Variants in THSD7A observed in about 807,000 individuals in gnomAD.
THSD7A encodes the protein thrombospondin type-1 domain-containing protein 7A.
THSD7A carries 96 observed loss-of-function variants against 231.3 expected under a neutral mutation model. The observed-to-expected ratio is 0.41, with a 90% CI of 0.35 to 0.49. The LOEUF is 0.49. Ranked by LOEUF, THSD7A falls within the 20% of genes least tolerant of loss-of-function variation. THSD7A has a pLI of 0.05. For synonymous variants in THSD7A, 940 were observed against 743.3 expected (o/e 1.26, Z -4.30); for missense variants, 2,290 against 2,070.2 (o/e 1.11, Z -2.06).
intron 2 of THSD7A, among the ~76,000 whole-genome samples, chr7:11,633,653 G>A (rs1394648558): frequency 6.6e-6 from 1 of 152,084 alleles, no homozygotes; most frequent in South Asian, 2.1e-4. Flanking sequence ...ATCAACTGTG[G>A]TTTGGGACTG....
At chr7:11,517,268 C>T (rs1488619014) in intron 6 of THSD7A, among the ~76,000 whole-genome samples, 6 of 151,878 alleles carry the variant, frequency 4.0e-5, no homozygotes, top group African/African-American at 1.2e-4. Context: ...TTAGTAGAGA[C>T]GGGGTTTCAC....
At chr7:11,546,556 A>G (rs766522554) in intron 4 of THSD7A, among the ~76,000 whole-genome samples, 8 of 152,208 alleles carry the variant, frequency 5.3e-5, no homozygotes, top group Admixed American at 2.0e-4. Flanking sequence ...TATAAAAGCA[A>G]TAAGCCACAT....
At chr7:11,611,455 G>T (rs1162999652) in intron 2 of THSD7A, among the ~76,000 whole-genome samples, 1 of 151,646 alleles carries the variant, frequency 6.6e-6, no homozygotes, top group Non-Finnish European at 1.5e-5. Flanking sequence ...TAAGGCAAGA[G>T]ATCTAGTATA....
chr7:11,605,079 T>G (rs1780689736), intron 2 of THSD7A, among the ~76,000 whole-genome samples: 1 of 152,152 alleles, frequency 6.6e-6, no homozygotes, highest in East Asian at 1.9e-4. Flanking sequence ...TTCACTGTAG[T>G]GGCATAACCT....
chr7:11,722,799 A>G (rs532467109), intron 1 of THSD7A, among the ~76,000 whole-genome samples: 109 of 152,156 alleles, frequency 7.2e-4, no homozygotes, highest in African/African-American at 2.4e-3. Context: ...ACCAGTTAGA[A>G]TGGCGATCAT....
At chr7:11,734,486 ACTC>A (rs1781841001) in intron 1 of THSD7A, among the ~76,000 whole-genome samples, 1 of 151,760 alleles carries the variant, frequency 6.6e-6, no homozygotes, top group South Asian at 2.1e-4. Context: ...TTTCCATATC[ACTC>A]CTCCAAAATA....
intron 6 of THSD7A, among the ~76,000 whole-genome samples, chr7:11,499,484 T>C (rs934071257): frequency 1.3e-5 from 2 of 152,064 alleles, no homozygotes; most frequent in African/African-American, 2.4e-5. Flanking sequence ...CTGGCTGAAA[T>C]GACAGAAATA....
intron 2 of THSD7A, among the ~76,000 whole-genome samples, chr7:11,625,705 TACAA>T (rs10531233): frequency 0.96 from 146,042 of 151,994 alleles, 70,217 homozygotes; most frequent in East Asian, 1. Flanking sequence ...AATTAGGTTA[TACAA>T]ACAAACAATG....
At chr7:11,776,384 A>T (rs1319567605) in intron 1 of THSD7A, among the ~76,000 whole-genome samples, 1 of 152,212 alleles carries the variant, frequency 6.6e-6, no homozygotes, top group Non-Finnish European at 1.5e-5. Context: ...CCTGCAAGGA[A>T]AATGTTGAAG....
intron 9 of THSD7A, among the ~76,000 whole-genome samples, chr7:11,467,919 A>T (rs1785775209): frequency 6.6e-6 from 1 of 151,912 alleles, no homozygotes; most frequent in African/African-American, 2.4e-5. Flanking sequence ...AATGAGAAAA[A>T]TTCTGATTCT....
intron 2 of THSD7A, among the ~76,000 whole-genome samples, chr7:11,599,472 T>A (rs1363234999): frequency 6.6e-6 from 1 of 152,242 alleles, no homozygotes; most frequent in Non-Finnish European, 1.5e-5. Flanking sequence ...TGTTTATGTA[T>A]ACACTTGTAC....
At chr7:11,383,634 T>A (rs1782612602) in intron 23 of THSD7A, among the ~76,000 whole-genome samples, 1 of 152,010 alleles carries the variant, frequency 6.6e-6, no homozygotes, top group Admixed American at 6.6e-5. Context: ...TTTTGGTTAG[T>A]CTTTTGGGTA....
intron 13 of THSD7A, among the ~76,000 whole-genome samples, chr7:11,433,376 A>G (rs1165110009): frequency 1.3e-5 from 2 of 152,016 alleles, no homozygotes; most frequent in East Asian, 3.9e-4. Context: ...AGGGCCAGTA[A>G]TCACTTATTT....
rs1477757601 is a variant in THSD7A, at chr7:11,780,615, G to A, written c.190+51142C>T. 3.3e-5 allele frequency among the ~76,000 whole-genome samples: 5 copies of A among 152,130 alleles called. 1 individual carries two copies. The South Asian group carries it at 1.0e-3, about 31-fold the overall frequency. On this transcript the variant is annotated intron_variant, in intron 1 of 27. Transcript: ENST00000423059. ...CTTCAGATGACTATAGCCCCATCTA[G>A]GCTCTTGACTGCATCCTCGTGAAAA...
intron 1 of THSD7A, among the ~76,000 whole-genome samples, chr7:11,744,525 T>A (rs982049383): frequency 1.3e-5 from 2 of 151,900 alleles, no homozygotes; most frequent in Non-Finnish European, 2.9e-5. Context: ...ATGTGCCATG[T>A]TGGTGTGCTG....
chr7:11,822,380 A>C (rs952601014), intron 1 of THSD7A, among the ~76,000 whole-genome samples: 5 of 152,084 alleles, frequency 3.3e-5, no homozygotes, highest in African/African-American at 1.2e-4. Flanking sequence ...ACATAATTTT[A>C]TTCTTTTTAT....
At chr7:11,484,806 C>T (rs1786579274) in intron 6 of THSD7A, among the ~76,000 whole-genome samples, 1 of 150,136 alleles carries the variant, frequency 6.7e-6, no homozygotes, top group Admixed American at 6.7e-5. Flanking sequence ...TGGATAGCAG[C>T]ACATGCATCC....
intron 4 of THSD7A, among the ~76,000 whole-genome samples, chr7:11,574,782 A>C (rs1790815229): frequency 6.6e-6 from 1 of 152,168 alleles, no homozygotes; most frequent in Non-Finnish European, 1.5e-5. Flanking sequence ...ATTGTCATTA[A>C]ATATGAGTAA....
chr7:11,754,615 G>A (rs957484786), intron 1 of THSD7A, among the ~76,000 whole-genome samples: 1 of 151,822 alleles, frequency 6.6e-6, no homozygotes, highest in African/African-American at 2.4e-5. Context: ...AATTATTCCT[G>A]CCTCACAGTT....
Sources: gnomAD v4.1 joint callset for allele counts (sites outside exome capture counted in the v4.1 genomes callset) on GRCh38, gnomAD v4.1.1 for gene constraint, MANE v1.5 for transcripts, NCBI Gene and HGNC (gene_info 2026-07-23, HGNC 2026-07-21) for gene names.